PGBD5: variants seen among roughly 807,000 people sequenced by gnomAD.
PGBD5 encodes the protein piggyBac transposable element derived 5, also known as piggyBac transposable element-derived protein 5.
In PGBD5, 14 loss-of-function variants were observed where a neutral mutation model predicts 47.9. That is an observed-to-expected ratio of 0.29 (90% CI 0.19 to 0.46). The LOEUF (loss-of-function observed/expected upper bound fraction) is 0.46, where lower values mean the gene tolerates loss of function less well. Among genes scored for constraint, PGBD5 ranks in the 20% least tolerant of loss-of-function variants. The probability of loss-of-function intolerance (pLI) is 1.00; values close to 1 mark genes in which losing one functional copy is unlikely to be tolerated. For synonymous variants in PGBD5, 316 were observed against 306.3 expected (o/e 1.03, Z -0.33); for missense variants, 635 against 716.0 (o/e 0.89, Z 1.29).
chr1:230,331,514 C>T (rs927394179), intron 5 of PGBD5, among the ~76,000 whole-genome samples: 10 of 152,234 alleles, frequency 6.6e-5, no homozygotes, highest in African/African-American at 2.4e-4. Flanking sequence ...GCACCAAGAC[C>T]CTCATCACTG....
intron 4 of PGBD5, among the ~76,000 whole-genome samples, chr1:230,333,534 C>T (rs1056700093): frequency 6.6e-6 from 1 of 152,194 alleles, no homozygotes; most frequent in African/African-American, 2.4e-5. Context: ...CAGGACTGTC[C>T]AGCATCCAAA....
intron 1 of PGBD5, among the ~76,000 whole-genome samples, chr1:230,368,737 A>C (rs2632569): frequency 0.72 from 109,395 of 152,164 alleles, 39,749 homozygotes; most frequent in African/African-American, 0.75. Flanking sequence ...GGGTGAGGAA[A>C]CCCTTCTGGC....
At chr1:230,341,122 A>G (rs1667401792) in intron 3 of PGBD5, among the ~76,000 whole-genome samples, 1 of 152,226 alleles carries the variant, frequency 6.6e-6, no homozygotes, top group Non-Finnish European at 1.5e-5. Context: ...TGTGGCACTC[A>G]TTGCTATAAA....
At chr1:230,335,628 CACACAGACACAA>C (rs1667299239) in intron 4 of PGBD5, among the ~76,000 whole-genome samples, 1 of 100,956 alleles carries the variant, frequency 9.9e-6, no homozygotes, top group African/African-American at 3.1e-5. Context: ...CACAGGTACA[CACACAGACACAA>C]ACACAGACGC....
intron 1 of PGBD5, among the ~76,000 whole-genome samples, chr1:230,392,036 G>T (rs1283186553): frequency 6.6e-6 from 1 of 152,214 alleles, no homozygotes; most frequent in Non-Finnish European, 1.5e-5. Context: ...ATAGGAAAAG[G>T]CTGGACCGAG....
At chr1:230,422,482 T>C (rs1020349519) in intron 1 of PGBD5, among the ~76,000 whole-genome samples, 1 of 152,182 alleles carries the variant, frequency 6.6e-6, no homozygotes, top group Non-Finnish European at 1.5e-5. Context: ...GAGAGGGTCC[T>C]AGGCTCTGCA....
Position 230,348,872 on chromosome 1 carries a change from G to T in PGBD5, c.894+2086C>A, listed in dbSNP as rs565582417. On this transcript the variant is annotated intron_variant, in intron 3 of 6. Transcript: ENST00000391860. The stretch of plus-strand genomic sequence containing the variant: ...TGAAGGGTAATTAATTGCCTCCTTG[G>T]CTCTGCACCTCTGAGCACATTTTGA... Among the ~76,000 whole-genome samples, 8 of 152,302 alleles carry T rather than the reference G, an allele frequency of 5.3e-5. No individual in the cohort carries two copies. In the East Asian group the frequency reaches 9.6e-4, roughly 18 times the overall value.
chr1:230,341,856 T>C (rs1667411620), intron 3 of PGBD5, among the ~76,000 whole-genome samples: 1 of 152,132 alleles, frequency 6.6e-6, no homozygotes, highest in South Asian at 2.1e-4. Flanking sequence ...TTGCCAAGCT[T>C]TTCACTTTTC....
chr1:230,356,060 G>A (rs1279253175), intron 2 of PGBD5, among the ~76,000 whole-genome samples: 1 of 152,216 alleles, frequency 6.6e-6, no homozygotes, highest in Non-Finnish European at 1.5e-5. Flanking sequence ...GAGATGTGCA[G>A]TGGGTCTTTA....
chr1:230,335,844 C>T (rs1014561918), intron 4 of PGBD5, among the ~76,000 whole-genome samples: 1 of 122,798 alleles, frequency 8.1e-6, no homozygotes, highest in Non-Finnish European at 1.8e-5. Flanking sequence ...CATACACACA[C>T]AGACACACAG....
At chr1:230,376,105 T>TG (rs1015309385) in intron 1 of PGBD5, among the ~76,000 whole-genome samples, 3 of 129,336 alleles carry the variant, frequency 2.3e-5, no homozygotes, top group African/African-American at 5.3e-5. Context: ...GAGCCAAGCG[T>TG]GGGCAGAGTC....
chr1:230,353,966 C>A (rs942120449), intron 2 of PGBD5, among the ~76,000 whole-genome samples: 1 of 152,158 alleles, frequency 6.6e-6, no homozygotes, highest in Non-Finnish European at 1.5e-5. Context: ...CCGAGCAGGG[C>A]GGGCCGATGC....
chr1:230,378,277 G>A (rs899485904), intron 1 of PGBD5, among the ~76,000 whole-genome samples: 6 of 152,194 alleles, frequency 3.9e-5, no homozygotes, highest in African/African-American at 2.4e-5. Context: ...TGCCATTGCA[G>A]GGATTATAAT....
chr1:230,383,654 G>T (rs571293830), intron 1 of PGBD5, among the ~76,000 whole-genome samples: 1 of 152,248 alleles, frequency 6.6e-6, no homozygotes, highest in African/African-American at 2.4e-5. Context: ...AATGTGCTGG[G>T]ATTACAGGTG....
At chr1:230,393,220 A>T in intron 1 of PGBD5, among the ~76,000 whole-genome samples, 1 of 137,244 alleles carries the variant, frequency 7.3e-6, no homozygotes, top group East Asian at 2.3e-4. Context: ...GCCAAGGGAA[A>T]GGAGGAGAGG....
intron 1 of PGBD5, among the ~76,000 whole-genome samples, chr1:230,364,813 G>C (rs927225789): frequency 1.3e-5 from 2 of 151,882 alleles, no homozygotes; most frequent in African/African-American, 4.8e-5. Context: ...CTGAGGTCAG[G>C]AGTTCGAGAC....
chr1:230,390,741 GTTTT>G (rs915403950), intron 1 of PGBD5, among the ~76,000 whole-genome samples: 19 of 151,826 alleles, frequency 1.3e-4, no homozygotes, highest in Admixed American at 3.3e-4. Context: ...CTCATTGCCA[GTTTT>G]TTTTGTTTGT....
chr1:230,391,951 C>CA lies in PGBD5; in HGVS notation c.331+33646dup, dbSNP rs144058145. Among the ~76,000 whole-genome samples the CA allele has an allele frequency of 6.6e-3, 998 of 152,310 alleles. 17 individuals are homozygous for CA. The highest frequency in any genetic ancestry group is 0.023 in the African/African-American group (948 of 41,550). On this transcript the variant is annotated intron_variant, in intron 1 of 6. Coordinates refer to ENST00000391860, the MANE Select transcript of PGBD5 (RefSeq NM_001258311.2). ...CCCTTCTCCCCCAAAGGGAGCCCGA[C>CA]ACAGGAGTCCTGCTGGGCGTTTGCT...
intron 1 of PGBD5, among the ~76,000 whole-genome samples, chr1:230,365,874 A>G (rs1170238386): frequency 6.6e-6 from 1 of 152,256 alleles, no homozygotes; most frequent in Admixed American, 6.5e-5. Context: ...CAGGTCATGT[A>G]TGTTTACACA....
Sources: allele counts gnomAD v4.1 joint callset (sites outside exome capture counted in the v4.1 genomes callset), GRCh38; gene constraint gnomAD v4.1.1; transcripts MANE v1.5; gene names NCBI Gene and HGNC (gene_info 2026-07-23, HGNC 2026-07-21).